The following TANGO6 variants were observed in gnomAD, a reference collection of about 807,000 sequenced individuals.
TANGO6 encodes transport and golgi organization 6 homolog.
Under a neutral mutation model 114.2 loss-of-function variants are expected in TANGO6, and 90 were observed. The ratio of observed to expected loss-of-function variants is 0.79; its 90% CI spans 0.66 to 0.94. The LOEUF (loss-of-function observed/expected upper bound fraction) is 0.94, where lower values mean the gene tolerates loss of function less well. Among genes scored for constraint, TANGO6 ranks in the 40% least tolerant of loss-of-function variants. TANGO6 has a pLI of 0.00. For missense variants in TANGO6, 1,274 were observed against 1,315.3 expected (o/e 0.97, Z 0.49); for synonymous variants, 477 against 509.8 (o/e 0.94, Z 0.87).
chr16:69,035,602 T>G (rs952318618), intron 16 of TANGO6: 3 of 152,286 alleles, frequency 2.0e-5, no homozygotes, highest in African/African-American at 7.2e-5. Context: ...TCTTGGCTCC[T>G]GTTAAGTGTT....
intron 12 of TANGO6, among the ~76,000 whole-genome samples, chr16:68,923,956 C>A (rs1232644163): frequency 6.6e-6 from 1 of 152,162 alleles, no homozygotes; most frequent in Admixed American, 6.5e-5. Context: ...CATGTGTTAT[C>A]AGGGGCAAAG....
chr16:69,037,817 C>T (rs559028690), intron 16 of TANGO6, among the ~76,000 whole-genome samples: 1 of 152,300 alleles, frequency 6.6e-6, no homozygotes, highest in South Asian at 2.1e-4. Flanking sequence ...GATAGATGCA[C>T]AAGTTGATTA....
At chr16:68,919,047 TC>T in intron 11 of TANGO6, 37 bp from the exon 12 acceptor site, 1 of 1,585,082 alleles carries the variant, frequency 6.3e-7, no homozygotes, top group Non-Finnish European at 8.6e-7. Context: ...TTTTTTTTTT[TC>T]ATTCCTCATT....
intron 17 of TANGO6, among the ~76,000 whole-genome samples, chr16:69,048,244 A>G (rs1322521907): frequency 6.9e-6 from 1 of 143,904 alleles, no homozygotes; most frequent in African/African-American, 2.5e-5. Flanking sequence ...CACCAAGTGC[A>G]GCTAATTTTT....
At chr16:68,994,699 C>T (rs993087114) in intron 15 of TANGO6, among the ~76,000 whole-genome samples, 1 of 151,680 alleles carries the variant, frequency 6.6e-6, no homozygotes, top group African/African-American at 2.4e-5. Context: ...TTGAGCCTCC[C>T]AAGTAGCTGG....
intron 6 of TANGO6, among the ~76,000 whole-genome samples, chr16:68,878,781 C>G (rs1962410465): frequency 6.6e-6 from 1 of 151,794 alleles, no homozygotes; most frequent in Non-Finnish European, 1.5e-5. Context: ...AGAATTCAAT[C>G]AAGAATCATG....
In TANGO6 at chr16:68,890,665, G is replaced by A. The variant is rs556155710; in HGVS notation, c.1378-9769G>A. Among the ~76,000 whole-genome samples the A allele has an allele frequency of 2.2e-4, 33 of 152,092 alleles. 1 individual carries two copies. The highest frequency in any genetic ancestry group is 1.8e-3 in the Admixed American group (28 of 15,280). Reference sequence around the variant, plus strand: ...TTTGGGAGGCCAAGGTGGGCGGATCGCTTGAGGTCAGGAGTTCAAGACCAG... The same window carrying A: ...TTTGGGAGGCCAAGGTGGGCGGATCACTTGAGGTCAGGAGTTCAAGACCAG... On this transcript the variant is annotated intron_variant, in intron 7 of 17. Coordinates refer to ENST00000261778, the MANE Select transcript of TANGO6 (RefSeq NM_024562.2).
In TANGO6 at chr16:68,977,966, G is replaced by A. The variant is rs1418810252; in HGVS notation, c.2842+3798G>A. The stretch of plus-strand genomic sequence containing the variant: ...CTCCCACAGTGCTTGAATTACAGGT[G>A]TGAGCCACTGCACCCAGCTGAGAGT... On this transcript the variant is annotated intron_variant, in intron 15 of 17. Coordinates refer to ENST00000261778, the MANE Select transcript of TANGO6 (RefSeq NM_024562.2). 1.3e-5 allele frequency among the ~76,000 whole-genome samples: 2 copies of A among 152,094 alleles called. 1 individual carries two copies. The highest frequency in any genetic ancestry group is 3.9e-4 in the East Asian group (2 of 5,156).
At chr16:69,050,583 G>C (rs943476262) in intron 17 of TANGO6, among the ~76,000 whole-genome samples, 1 of 151,290 alleles carries the variant, frequency 6.6e-6, no homozygotes, top group Non-Finnish European at 1.5e-5. Context: ...TCCGCCTCCC[G>C]GGTTCAAGCA....
At chr16:68,853,239 C>T (rs1305932445) in intron 1 of TANGO6, among the ~76,000 whole-genome samples, 2 of 150,426 alleles carry the variant, frequency 1.3e-5, no homozygotes, top group Non-Finnish European at 2.9e-5. Flanking sequence ...GATCACACCA[C>T]TGCACTCTAG....
chr16:68,875,238 G>A lies in TANGO6; in HGVS notation c.1079G>A (p.Cys360Tyr). Residue 360 changes from cysteine (C) to tyrosine (Y), a missense_variant, in exon 5 of 18, where the codon TGT becomes TAT. By Grantham distance (194) the Cys-to-Tyr change is radical. Coordinates refer to ENST00000261778, the MANE Select transcript of TANGO6 (RefSeq NM_024562.2). ...CDLIAKILAS[C>Y]PQQSLSPENY... Reference sequence around the variant, plus strand: ...CTGATCGCAAAGATTTTGGCCTCTTGTCCCCAGCAGTCTCTTTCACCAGAG... The same window carrying A: ...CTGATCGCAAAGATTTTGGCCTCTTATCCCCAGCAGTCTCTTTCACCAGAG... 6.2e-7 allele frequency: 1 copy of A among 1,613,718 alleles called. No homozygotes were observed. Among genetic ancestry groups the A allele is most frequent in the Non-Finnish European group, 8.5e-7 (1 of 1,179,774 alleles).
intron 14 of TANGO6, among the ~76,000 whole-genome samples, chr16:68,944,904 C>T (rs1963398160): frequency 6.6e-6 from 1 of 152,158 alleles, no homozygotes; most frequent in East Asian, 1.9e-4. Flanking sequence ...GGCACGGTGG[C>T]TCACGCCTGA....
chr16:69,039,061 T>G (rs548280890), intron 16 of TANGO6, among the ~76,000 whole-genome samples: 4 of 152,118 alleles, frequency 2.6e-5, no homozygotes, highest in Non-Finnish European at 5.9e-5. Flanking sequence ...GGCGGATGCC[T>G]GTAGTCCCAG....
At chr16:68,950,664 G>A (rs1386697677) in intron 14 of TANGO6, among the ~76,000 whole-genome samples, 2 of 150,990 alleles carry the variant, frequency 1.3e-5, no homozygotes, top group Admixed American at 6.6e-5. Context: ...TTCGAGACCA[G>A]CTTGGCCAAC....
At chr16:68,845,643 A>G (rs1290218454) in intron 1 of TANGO6, among the ~76,000 whole-genome samples, 9 of 152,112 alleles carry the variant, frequency 5.9e-5, no homozygotes, top group African/African-American at 2.2e-4. Flanking sequence ...GTTTGAGACC[A>G]GACTGGGCAA....
At chr16:68,922,465 G>C (rs910755429) in intron 12 of TANGO6, among the ~76,000 whole-genome samples, 1 of 152,032 alleles carries the variant, frequency 6.6e-6, no homozygotes, top group African/African-American at 2.4e-5. Context: ...GAACCCAGGA[G>C]GGGGAGGTTG....
intron 15 of TANGO6, among the ~76,000 whole-genome samples, chr16:69,002,092 C>T (rs1293710688): frequency 6.6e-6 from 1 of 152,112 alleles, no homozygotes; most frequent in Non-Finnish European, 1.5e-5. Flanking sequence ...CTTGGAGTTC[C>T]ATGAGGAAAA....
At position 68,974,065 on chromosome 16, in the gene TANGO6, C is replaced by T; in HGVS notation, c.2739C>T (p.Ile913=). The T allele has an allele frequency of 6.2e-7, 1 of 1,612,752 alleles. No individual in the cohort carries two copies. The part of the protein sequence containing the change: ...ALLSDVYPEK[I]LPDLLAQYDS... ...TGTCAGACGTCTATCCTGAGAAAAT[C>T]TTGCCGGACTTGTTGGCTCAATATG... Residue 913 remains isoleucine, a synonymous_variant, in exon 15 of 18, where the codon ATC becomes ATT. Transcript: ENST00000261778.
chr16:69,083,095 CTTTT>C (rs1201400628), intron 17 of TANGO6, among the ~76,000 whole-genome samples: 2 of 120,244 alleles, frequency 1.7e-5, no homozygotes. Flanking sequence ...GCATTATCTT[CTTTT>C]TTTTTTTTTT....
Sources: allele counts gnomAD v4.1 joint callset (sites outside exome capture counted in the v4.1 genomes callset), GRCh38; gene constraint gnomAD v4.1.1; transcripts MANE v1.5; gene names NCBI Gene and HGNC (gene_info 2026-07-23, HGNC 2026-07-21).